Variants in WASHC3 observed in about 807,000 individuals in gnomAD.
WASHC3 encodes WASH complex subunit CCDC53.
In WASHC3, 24 loss-of-function variants were observed where a neutral mutation model predicts 26.1. That is an observed-to-expected ratio of 0.92 (90% CI 0.66 to 1.29). The LOEUF is 1.29. WASHC3 is among the 50% of genes most tolerant of loss of function. WASHC3 has a pLI of 0.00. For missense variants in WASHC3, 214 were observed against 229.6 expected, an observed-to-expected ratio of 0.93 and a Z score of 0.44; for synonymous variants, 77 against 75.7, an observed-to-expected ratio of 1.02 and a Z score of -0.09.
At chr12:102,041,955 A>T (rs1261041417) in intron 4 of WASHC3, among the ~76,000 whole-genome samples, 1 of 152,150 alleles carries the variant, frequency 6.6e-6, no homozygotes, top group Non-Finnish European at 1.5e-5. Context: ...GACATTAAAT[A>T]TGTGAGGACA....
At chr12:102,041,566 CAG>C (rs1454490950) in intron 4 of WASHC3, among the ~76,000 whole-genome samples, 1 of 151,980 alleles carries the variant, frequency 6.6e-6, no homozygotes, top group African/African-American at 2.4e-5. Context: ...GAGTGATAAA[CAG>C]ATGATTTTTT....
chr12:102,015,347 A>C (rs1439029176), intron 6 of WASHC3, among the ~76,000 whole-genome samples: 1 of 152,180 alleles, frequency 6.6e-6, no homozygotes, highest in Admixed American at 6.5e-5. Context: ...TGAAACTATA[A>C]AATTCATTAA....
intron 5 of WASHC3, among the ~76,000 whole-genome samples, chr12:102,033,312 T>A (rs1341432427): frequency 6.6e-6 from 1 of 152,128 alleles, no homozygotes; most frequent in Non-Finnish European, 1.5e-5. Flanking sequence ...TAAAGCTTTC[T>A]ATGCTACAGA....
intron 5 of WASHC3, among the ~76,000 whole-genome samples, chr12:102,028,664 G>A (rs1032692465): frequency 1.3e-5 from 2 of 151,872 alleles, no homozygotes; most frequent in Admixed American, 6.6e-5. Context: ...GAAGCAATGC[G>A]TGGGAAGGGA....
chr12:102,044,308 T>C, intron 3 of WASHC3, 96 bp from the exon 4 acceptor site: 3 of 476,178 alleles, frequency 6.3e-6, no homozygotes, highest in South Asian at 8.3e-5. Context: ...GCTATACAAA[T>C]AGGTTCACAA....
chr12:102,052,188 G>A (rs1178033977), intron 2 of WASHC3, among the ~76,000 whole-genome samples: 1 of 152,200 alleles, frequency 6.6e-6, no homozygotes, highest in Non-Finnish European at 1.5e-5. Context: ...ACTGAAGAGG[G>A]TAAGAAGGAC....
chr12:102,054,064 A>C lies in WASHC3; in HGVS notation c.150+7184T>G, dbSNP rs541246693. On this transcript the variant is annotated intron_variant, in intron 2 of 6. Coordinates refer to ENST00000240079, the MANE Select transcript of WASHC3 (RefSeq NM_016053.4). ...TATGTCAGCCTCATGGGAACAACAAAGCAAAAACCTAATAGTAAATACACA... is the reference window on the plus strand; with the variant it reads ...TATGTCAGCCTCATGGGAACAACAACGCAAAAACCTAATAGTAAATACACA... Among the ~76,000 whole-genome samples the C allele has an allele frequency of 3.3e-5, 5 of 152,326 alleles. No homozygotes were observed. The South Asian group carries it at 1.0e-3, about 32-fold the overall frequency.
intron 2 of WASHC3, among the ~76,000 whole-genome samples, chr12:102,051,158 G>T (rs1878378521): frequency 1.3e-5 from 2 of 152,224 alleles, no homozygotes; most frequent in South Asian, 2.1e-4. Context: ...TGGCTTGAGG[G>T]TTTATCTGTG....
intron 2 of WASHC3, among the ~76,000 whole-genome samples, chr12:102,055,417 C>T (rs1316049847): frequency 6.6e-6 from 1 of 152,154 alleles, no homozygotes; most frequent in Admixed American, 6.5e-5. Context: ...GCAATCTTGG[C>T]TCACTGCAAC....
chr12:102,031,946 T>C (rs760140610), intron 5 of WASHC3, among the ~76,000 whole-genome samples: 7 of 152,172 alleles, frequency 4.6e-5, no homozygotes, highest in Non-Finnish European at 8.8e-5. Context: ...TACCTGGAGT[T>C]CTCTAAACCA....
chr12:102,025,473 A>G (rs1182987189), intron 6 of WASHC3, among the ~76,000 whole-genome samples: 5 of 152,206 alleles, frequency 3.3e-5, no homozygotes, highest in Admixed American at 3.3e-4. Flanking sequence ...TAGTTTCTTA[A>G]TAACCATTAA....
At chr12:102,055,887 T>C (rs1234240689) in intron 2 of WASHC3, among the ~76,000 whole-genome samples, 2 of 152,192 alleles carry the variant, frequency 1.3e-5, no homozygotes, top group Non-Finnish European at 2.9e-5. Context: ...TTTTAACTAG[T>C]TTTTCTATCA....
At chr12:102,045,290 C>G (rs887655580) in intron 3 of WASHC3, among the ~76,000 whole-genome samples, 3 of 152,032 alleles carry the variant, frequency 2.0e-5, no homozygotes, top group African/African-American at 7.2e-5. Flanking sequence ...AAGAGAAACA[C>G]AGTTGCTGAA....
At chr12:102,014,152 G>A (rs61936644) in intron 6 of WASHC3, among the ~76,000 whole-genome samples, 1,969 of 138,992 alleles carry the variant, frequency 0.014, 32 homozygotes, top group Middle Eastern at 0.023. Context: ...GTGTGATCTC[G>A]GCTCACTGCA....
chr12:102,013,150 A>AGTT lies in WASHC3; in HGVS notation c.540_542dup (p.Thr181dup). On this transcript the variant is annotated inframe_insertion, in exon 7 of 7. Coordinates refer to ENST00000240079, the MANE Select transcript of WASHC3 (RefSeq NM_016053.4). ...ATTCGCTATCTGAACTTTCTTCTAC[A>AGTT]GTTTTCTCACTTTCGCCATCAGGCA... The AGTT allele has an allele frequency of 6.4e-6, 10 of 1,553,734 alleles. No individual in the cohort carries two copies. Among genetic ancestry groups the AGTT allele is most frequent in the Non-Finnish European group, 8.7e-6 (10 of 1,144,208 alleles).
chr12:102,049,554 T>C (rs1219098902), intron 2 of WASHC3, among the ~76,000 whole-genome samples: 1 of 151,366 alleles, frequency 6.6e-6, no homozygotes, highest in Admixed American at 6.6e-5. Context: ...GTACATTTTA[T>C]AAAGTTAAAA....
intron 4 of WASHC3, chr12:102,040,218 A>G (rs1346715816): frequency 1.3e-5 from 3 of 226,172 alleles, no homozygotes; most frequent in Non-Finnish European, 2.6e-5. Context: ...AAATGCAAGT[A>G]TATTCATGCA....
intron 3 of WASHC3, among the ~76,000 whole-genome samples, chr12:102,045,751 T>C (rs1878134868): frequency 1.3e-5 from 2 of 152,264 alleles, no homozygotes; most frequent in African/African-American, 4.8e-5. Flanking sequence ...AAAATAAATC[T>C]GGAATTTTCT....
Position 102,044,097 on chromosome 12 carries a change from TCA to T in WASHC3, c.324+6_324+7del. 1 of 1,495,440 alleles carries T rather than the reference TCA, an allele frequency of 6.7e-7. No homozygotes were observed. The highest frequency in any genetic ancestry group is 9.2e-7 in the Non-Finnish European group (1 of 1,082,926). 92.6% of individuals were successfully genotyped at this position (1,495,440 alleles called of 1,614,324 possible). On this transcript the variant is annotated splice_donor_region_variant and intron_variant, in intron 4 of 6. Coordinates refer to ENST00000240079, the MANE Select transcript of WASHC3 (RefSeq NM_016053.4). ...AGAACATCTGCTCGTTTCTTAGAAC[TCA>T]CTTACCTGTGGTTGCTCTGAAGTGG...
Sources: gnomAD v4.1 joint callset for allele counts (sites outside exome capture counted in the v4.1 genomes callset) on GRCh38, gnomAD v4.1.1 for gene constraint, MANE v1.5 for transcripts, NCBI Gene and HGNC (gene_info 2026-07-23, HGNC 2026-07-21) for gene names.